Variants in AGAP1 observed in about 807,000 individuals in gnomAD.
The protein encoded by AGAP1 is ArfGAP with GTPase domain, ankyrin repeat and PH domain 1.
A neutral mutation model predicts 105.3 loss-of-function variants in AGAP1; 29 were observed. The ratio of observed to expected loss-of-function variants is 0.28; its 90% confidence interval spans 0.21 to 0.38. The LOEUF (loss-of-function observed/expected upper bound fraction) is 0.38. Among genes scored for constraint, AGAP1 ranks in the 10% least tolerant of loss-of-function variants. The pLI, the probability that AGAP1 is intolerant of heterozygous loss-of-function variation, is 1.00. For synonymous variants in AGAP1, 509 were observed against 485.9 expected (o/e 1.05, Z -0.63); for missense variants, 998 against 1,165.1 (o/e 0.86, Z 2.09).
At chr2:235,645,436 G>A (rs1184279463) in intron 1 of AGAP1, among the ~76,000 whole-genome samples, 1 of 152,188 alleles carries the variant, frequency 6.6e-6, no homozygotes, top group Non-Finnish European at 1.5e-5. Context: ...GATGGCAACA[G>A]ATAGATCCCA....
chr2:235,657,767 C>A (rs1364760217), intron 1 of AGAP1, among the ~76,000 whole-genome samples: 1 of 152,168 alleles, frequency 6.6e-6, no homozygotes, highest in Admixed American at 6.5e-5. Flanking sequence ...TAAGTCCTAA[C>A]CCCCAGTGCC....
chr2:235,619,914 G>T (rs986666711), intron 1 of AGAP1, among the ~76,000 whole-genome samples: 8 of 152,058 alleles, frequency 5.3e-5, no homozygotes, highest in African/African-American at 1.9e-4. Flanking sequence ...GCTGGGCTTG[G>T]TTTTCCTGAG....
At chr2:235,587,286 C>G (rs1945144790) in intron 1 of AGAP1, among the ~76,000 whole-genome samples, 1 of 152,168 alleles carries the variant, frequency 6.6e-6, no homozygotes, top group Non-Finnish European at 1.5e-5. Context: ...GCAGATGGAG[C>G]TGCAAACAGC....
At chr2:235,593,817 A>C (rs1483875509) in intron 1 of AGAP1, among the ~76,000 whole-genome samples, 3 of 151,996 alleles carry the variant, frequency 2.0e-5, no homozygotes, top group African/African-American at 7.2e-5. Flanking sequence ...AAAAATACAA[A>C]AATTAGCTGG....
chr2:235,988,072 T>A lies in AGAP1; in HGVS notation c.1645+19449T>A, dbSNP rs534001215. 6.6e-6 allele frequency among the ~76,000 whole-genome samples: 1 copy of A among 152,252 alleles called. No homozygotes were observed. The highest frequency in any genetic ancestry group is 1.5e-5 in the Non-Finnish European group (1 of 68,048). On this transcript the variant is annotated intron_variant, in intron 13 of 17. Coordinates refer to ENST00000304032, the MANE Select transcript of AGAP1 (RefSeq NM_001037131.3). This position sits in a 1 kb window ranked among gnomAD's most constrained non-coding sequence, Gnocchi z 4.7. ...TGTTTTGTTTTTTGAAACAAGAGTC[T>A]CACTCTGTTGCCCAGGCTGGAGTGT...
intron 11 of AGAP1, among the ~76,000 whole-genome samples, chr2:235,911,818 C>G (rs758673030): frequency 2.0e-5 from 3 of 152,242 alleles, no homozygotes; most frequent in Non-Finnish European, 2.9e-5. Flanking sequence ...CCGCAACCCT[C>G]AAACAGGTTA....
In AGAP1 at chr2:235,577,099, G is replaced by T. The variant is rs142434890; in HGVS notation, c.163+82250G>T. Among the ~76,000 whole-genome samples the T allele has an allele frequency of 7.1e-3, 1,077 of 152,234 alleles. 6 individuals carry two copies. The highest frequency in any genetic ancestry group is 0.013 in the Non-Finnish European group (854 of 68,008). On this transcript the variant is annotated intron_variant, in intron 1 of 17. Transcript: ENST00000304032. The surrounding 1 kb of genome is among the most constrained non-coding windows in gnomAD (Gnocchi z 4.5). ...CCTTCCTGAACCCCCTTGTACCTCT[G>T]TCCAGTGGAAGTAGAATGCCAGCCA...
intron 16 of AGAP1, among the ~76,000 whole-genome samples, chr2:236,077,928 C>A (rs2058683026): frequency 6.6e-6 from 1 of 152,166 alleles, no homozygotes; most frequent in Admixed American, 6.5e-5. Context: ...CCTTGCGTCT[C>A]CCCTGGGTCA....
intron 1 of AGAP1, among the ~76,000 whole-genome samples, chr2:235,624,697 A>C (rs1946584846): frequency 6.6e-6 from 1 of 151,938 alleles, no homozygotes; most frequent in Non-Finnish European, 1.5e-5. Context: ...ATTGCAGGTG[A>C]TAGGGTTTGG....
intron 12 of AGAP1, among the ~76,000 whole-genome samples, chr2:235,952,724 A>C (rs1470498519): frequency 6.6e-6 from 1 of 151,276 alleles, no homozygotes; most frequent in African/African-American, 2.4e-5. Flanking sequence ...AAATATCTGG[A>C]GTTTCCGCAC....
At chr2:235,767,047 A>G (rs1286986325) in intron 6 of AGAP1, among the ~76,000 whole-genome samples, 1 of 151,054 alleles carries the variant, frequency 6.6e-6, no homozygotes, top group Non-Finnish European at 1.5e-5. Flanking sequence ...CCAAGTATCT[A>G]GGATTACAGC....
At chr2:235,713,350 G>A (rs538554409) in intron 2 of AGAP1, among the ~76,000 whole-genome samples, 1 of 152,322 alleles carries the variant, frequency 6.6e-6, no homozygotes, top group East Asian at 1.9e-4. Flanking sequence ...GATTAGGAGG[G>A]GAAACAGCTT....
chr2:235,991,429 A>G (rs755659204), intron 13 of AGAP1, among the ~76,000 whole-genome samples: 6 of 152,174 alleles, frequency 3.9e-5, no homozygotes, highest in Non-Finnish European at 8.8e-5. Flanking sequence ...AGGCTAATAA[A>G]AATGCATATC....
In AGAP1 at chr2:235,906,558, G is replaced by A. The variant is rs977812319; in HGVS notation, c.1156-2180G>A. On this transcript the variant is annotated intron_variant, in intron 10 of 17. Coordinates refer to ENST00000304032, the MANE Select transcript of AGAP1 (RefSeq NM_001037131.3). The surrounding 1 kb of genome is among the most constrained non-coding windows in gnomAD (Gnocchi z 5.3). ...CCTCATGTAAAGAGGTTCTCCTCCCGCCCGTCCTGCCGTTGAGAATTCCTG... is the reference window on the plus strand; with the variant it reads ...CCTCATGTAAAGAGGTTCTCCTCCCACCCGTCCTGCCGTTGAGAATTCCTG... Among the ~76,000 whole-genome samples the A allele has an allele frequency of 6.6e-6, 1 of 152,030 alleles. No homozygotes were observed. Among genetic ancestry groups the A allele is most frequent in the Non-Finnish European group, 1.5e-5 (1 of 68,008 alleles).
chr2:235,783,022 T>TTTTGTGTG (rs1956366860), intron 6 of AGAP1, among the ~76,000 whole-genome samples: 1 of 141,186 alleles, frequency 7.1e-6, no homozygotes, highest in African/African-American at 2.6e-5. Context: ...CGGCAGGAGA[T>TTTTGTGTG]TGTGTGTGTG....
chr2:236,118,347 G>T (rs1264432827), intron 16 of AGAP1, among the ~76,000 whole-genome samples: 2 of 151,080 alleles, frequency 1.3e-5, no homozygotes, highest in Non-Finnish European at 2.9e-5. Context: ...GGTAACTGCA[G>T]TCCCTTCTTA....
intron 1 of AGAP1, among the ~76,000 whole-genome samples, chr2:235,544,175 A>G (rs35299626): frequency 0.18 from 27,587 of 152,182 alleles, 3,140 homozygotes; most frequent in East Asian, 0.31. Flanking sequence ...TGTCTTTATG[A>G]GGGGTGACAG....
chr2:235,973,867 A>G lies in AGAP1; in HGVS notation c.1645+5244A>G, dbSNP rs1389537714. Among the ~76,000 whole-genome samples the G allele has an allele frequency of 2.0e-5, 3 of 152,200 alleles. No homozygotes were observed. Among genetic ancestry groups the G allele is most frequent in the Non-Finnish European group, 4.4e-5 (3 of 68,042 alleles). On this transcript the variant is annotated intron_variant, in intron 13 of 17. Coordinates refer to ENST00000304032, the MANE Select transcript of AGAP1 (RefSeq NM_001037131.3). The surrounding 1 kb of genome is among the most constrained non-coding windows in gnomAD (Gnocchi z 4.7). ...GCACCACGGCCCTGGATTCCCAACCAGGTCCAAGTTCAAGGGTATGTGCCA... is the reference window on the plus strand; with the variant it reads ...GCACCACGGCCCTGGATTCCCAACCGGGTCCAAGTTCAAGGGTATGTGCCA...
At chr2:235,835,827 CAAAG>C (rs1025838743) in intron 9 of AGAP1, among the ~76,000 whole-genome samples, 5 of 152,296 alleles carry the variant, frequency 3.3e-5, no homozygotes, top group Admixed American at 1.3e-4. Flanking sequence ...GCTTCTTAGA[CAAAG>C]AAGGCGGCTA....
Sources: gnomAD v4.1 joint callset for allele counts (sites outside exome capture counted in the v4.1 genomes callset) on GRCh38, gnomAD v4.1.1 for gene constraint, Gnocchi (gnomAD v3.1) non-coding constraint, MANE v1.5 for transcripts, NCBI Gene and HGNC (gene_info 2026-07-23, HGNC 2026-07-21) for gene names.